The following DPYD variants were observed in gnomAD, a reference collection of about 807,000 sequenced individuals.
DPYD encodes the protein dihydropyrimidine dehydrogenase.
A neutral mutation model predicts 116.2 loss-of-function variants in DPYD; 109 were observed. The ratio of observed to expected loss-of-function variants is 0.94; its 90% CI spans 0.80 to 1.10. DPYD has a LOEUF of 1.10. Ranked by LOEUF, DPYD falls within the 50% of genes least tolerant of loss-of-function variation. The pLI, the probability that DPYD is intolerant of heterozygous loss-of-function variation, is 0.00. For missense variants in DPYD, 1,302 were observed against 1,254.5 expected, an observed-to-expected ratio of 1.04 and a Z score of -0.57; for synonymous variants, 440 against 432.0, an observed-to-expected ratio of 1.02 and a Z score of -0.23.
intron 3 of DPYD, among the ~76,000 whole-genome samples, chr1:97,789,422 T>A (rs762895724): frequency 6.6e-6 from 1 of 152,210 alleles, no homozygotes; most frequent in African/African-American, 2.4e-5. Flanking sequence ...TTCTTTCTTT[T>A]GCAAAATTGA....
intron 8 of DPYD, among the ~76,000 whole-genome samples, chr1:97,597,476 C>T (rs1654964833): frequency 2.0e-5 from 3 of 152,128 alleles, no homozygotes; most frequent in South Asian, 2.1e-4. Context: ...TGTATAAGTT[C>T]CTGTGAATCC....
chr1:97,843,694 C>A (rs1279820083), intron 2 of DPYD, among the ~76,000 whole-genome samples: 1 of 152,096 alleles, frequency 6.6e-6, no homozygotes, highest in East Asian at 1.9e-4. Context: ...ATACTCTAAA[C>A]ACTCCATAAT....
intron 11 of DPYD, among the ~76,000 whole-genome samples, chr1:97,568,260 AAAC>A (rs1652670375): frequency 1.3e-5 from 2 of 152,160 alleles, no homozygotes; most frequent in African/African-American, 2.4e-5. Flanking sequence ...CTTTATTCCC[AAAC>A]AACATGAATA....
intron 8 of DPYD, among the ~76,000 whole-genome samples, chr1:97,677,304 T>C (rs1660198914): frequency 6.6e-6 from 1 of 152,182 alleles, no homozygotes; most frequent in Non-Finnish European, 1.5e-5. Context: ...GTATTAATAA[T>C]TGTATTAGTA....
At chr1:97,914,563 T>C (rs1453168315) in intron 1 of DPYD, among the ~76,000 whole-genome samples, 3 of 152,112 alleles carry the variant, frequency 2.0e-5, no homozygotes, top group Non-Finnish European at 1.5e-5. Context: ...TCAATCCATA[T>C]GTATGTTGCA....
chr1:97,216,046 T>G (rs943019157), intron 19 of DPYD, among the ~76,000 whole-genome samples: 5 of 152,222 alleles, frequency 3.3e-5, no homozygotes, highest in African/African-American at 1.2e-4. Context: ...TTTACTTTCC[T>G]GCTTTTTTGT....
chr1:97,388,537 C>T (rs760046803), intron 14 of DPYD, among the ~76,000 whole-genome samples: 14 of 152,028 alleles, frequency 9.2e-5, no homozygotes, highest in Non-Finnish European at 1.6e-4. Context: ...GAACAATCAA[C>T]CGTGATGAAT....
chr1:97,244,387 G>A (rs564226596), intron 18 of DPYD, among the ~76,000 whole-genome samples: 4 of 151,962 alleles, frequency 2.6e-5, no homozygotes, highest in South Asian at 2.1e-4. Flanking sequence ...ACAATTACCC[G>A]ACAACACAGC....
chr1:97,450,152 T>G lies in DPYD; in HGVS notation c.1812A>C (p.Gln604His). The G allele has an allele frequency of 6.2e-7, 1 of 1,613,970 alleles. No homozygotes were observed. The change falls in exon 14 of 23, where the codon CAA becomes CAC. Residue 604 changes from glutamine to histidine, a missense_variant. Coordinates refer to ENST00000370192, the MANE Select transcript of DPYD (RefSeq NM_000110.4). The part of the protein sequence containing the change: ...TTSGPMYGPG[Q>H]SSFLNIELIS... ...TGAGCTCAATATTCAGAAAGGAGCT[T>G]TGTCCAGGGCCATACATGGGGCCAG...
In DPYD at chr1:97,604,622, T is replaced by C. The variant is rs138416511; in HGVS notation, c.851-9456A>G. 6.1e-3 allele frequency among the ~76,000 whole-genome samples: 925 copies of C among 152,234 alleles called. 3 individuals are homozygous for C. Among genetic ancestry groups the C allele is most frequent in the Middle Eastern group, 0.01 (3 of 294 alleles). On this transcript the variant is annotated intron_variant, in intron 8 of 22. Transcript: ENST00000370192. ...GAAATATGTTAGATATTAGAAAATA[T>C]GAAATCATTTTCATGCATAAATATA... is the stretch of plus-strand genomic sequence containing the variant.
chr1:97,388,538 C>T (rs1350583543), intron 14 of DPYD, among the ~76,000 whole-genome samples: 1 of 152,012 alleles, frequency 6.6e-6, no homozygotes, highest in East Asian at 1.9e-4. Context: ...AACAATCAAC[C>T]GTGATGAATG....
At chr1:97,715,786 C>T (rs1662580051) in intron 5 of DPYD, among the ~76,000 whole-genome samples, 1 of 152,054 alleles carries the variant, frequency 6.6e-6, no homozygotes, top group Non-Finnish European at 1.5e-5. Context: ...GGGGCTTGCA[C>T]TTAATATTTC....
At position 97,375,633 on chromosome 1, in the gene DPYD, T is replaced by TAG. The variant is rs1311543900; in HGVS notation, c.1975-1990_1975-1989insCT. ...CCTGCTGAACCCTGAGTTCTAATCT[T>TAG]ACGCCTGTAGCTAAGGAATTGGGGA... On this transcript the variant is annotated intron_variant, in intron 15 of 22. Transcript: ENST00000370192. 4.6e-5 allele frequency among the ~76,000 whole-genome samples: 7 copies of TAG among 152,318 alleles called. No homozygotes were observed. In the East Asian group the frequency reaches 1.4e-3, roughly 29 times the overall value.
chr1:97,816,229 T>G (rs867711605), intron 3 of DPYD, among the ~76,000 whole-genome samples: 9 of 151,438 alleles, frequency 5.9e-5, no homozygotes, highest in Non-Finnish European at 1.0e-4. Flanking sequence ...GCCAAACACA[T>G]TTTTTAAATG....
At chr1:97,513,346 G>A (rs1002512314) in intron 13 of DPYD, among the ~76,000 whole-genome samples, 2 of 151,698 alleles carry the variant, frequency 1.3e-5, no homozygotes, top group African/African-American at 4.8e-5. Context: ...AGTAGGACAG[G>A]ATAATAAAAT....
chr1:97,754,134 T>C (rs1038841915), intron 3 of DPYD, among the ~76,000 whole-genome samples: 5 of 152,134 alleles, frequency 3.3e-5, no homozygotes, highest in Non-Finnish European at 7.4e-5. Context: ...CAGATAAGAA[T>C]ATAAATGTTT....
At chr1:97,087,402 G>A (rs555094015) in intron 21 of DPYD, among the ~76,000 whole-genome samples, 23 of 152,278 alleles carry the variant, frequency 1.5e-4, no homozygotes, top group African/African-American at 4.8e-4. Flanking sequence ...CTAAGGACTC[G>A]GCTTGAATAT....
intron 18 of DPYD, among the ~76,000 whole-genome samples, chr1:97,284,028 C>T (rs1239407664): frequency 6.6e-6 from 1 of 152,166 alleles, no homozygotes; most frequent in Non-Finnish European, 1.5e-5. Context: ...TAAGCATCAC[C>T]ATTATCATCT....
intron 18 of DPYD, among the ~76,000 whole-genome samples, chr1:97,290,800 C>G (rs12032753): frequency 0.52 from 78,604 of 151,816 alleles, 21,512 homozygotes; most frequent in Admixed American, 0.63. Context: ...TCTAAAACAC[C>G]AAAAGCAATG....
Sources: allele counts gnomAD v4.1 joint callset (sites outside exome capture counted in the v4.1 genomes callset), GRCh38; gene constraint gnomAD v4.1.1; transcripts MANE v1.5; gene names NCBI Gene and HGNC (gene_info 2026-07-23, HGNC 2026-07-21).